NUDT9: variants seen among roughly 807,000 people sequenced by gnomAD.
NUDT9 encodes the protein nudix hydrolase 9.
NUDT9 carries 31 observed loss-of-function variants against 41.0 expected under a neutral mutation model. The observed-to-expected ratio is 0.76, with a 90% CI of 0.57 to 1.02. The LOEUF (loss-of-function observed/expected upper bound fraction) is 1.02. NUDT9 is among the 50% of genes least tolerant of loss of function. NUDT9 has a pLI of 0.00. For missense variants in NUDT9, 380 were observed against 431.4 expected (o/e 0.88, Z 1.06); for synonymous variants, 146 against 147.6 (o/e 0.99, Z 0.08).
rs1056309916 is a variant in NUDT9, at chr4:87,458,950, C to T, written c.*929C>T. On this transcript the variant is annotated 3_prime_UTR_variant, in exon 8 of 8. Coordinates refer to ENST00000302174, the MANE Select transcript of NUDT9 (RefSeq NM_024047.5). The stretch of plus-strand genomic sequence containing the variant: ...GTAATCCCATTACTAGGTATATACC[C>T]GAAGGAATATAAATTGTTCTATTAT... 1.1e-4 allele frequency: 16 copies of T among 152,038 alleles called. No individual in the cohort carries two copies. The highest frequency in any genetic ancestry group is 2.0e-4 in the Admixed American group (3 of 15,252). 9.4% of individuals were successfully genotyped at this position (152,038 alleles called of 1,614,324 possible).
chr4:87,451,649 G>A lies in NUDT9; in HGVS notation c.703G>A (p.Ala235Thr). The change falls in exon 6 of 8, where the codon GCT becomes ACT. Residue 235 changes from alanine (A) to threonine (T), a missense_variant. Transcript: ENST00000302174. ...ACTGAAAAGAGAATTTGGTGAGGAA[G>A]CTCTCAACTCCTTACAGAAAACCAG... ...ATLKREFGEE[A>T]LNSLQKTSAE... 6.2e-7 allele frequency: 1 copy of A among 1,613,606 alleles called. No homozygotes were observed. Among genetic ancestry groups the A allele is most frequent in the Non-Finnish European group, 8.5e-7 (1 of 1,179,572 alleles).
In NUDT9 at chr4:87,438,261, G is replaced by T; in HGVS notation, c.348-16G>T. 7.4e-7 allele frequency: 1 copy of T among 1,347,746 alleles called. No homozygotes were observed. Among genetic ancestry groups the T allele is most frequent in the Non-Finnish European group, 1.1e-6 (1 of 940,554 alleles). The allele number at this position is 1,347,746 out of a possible 1,614,324, so 83.5% of individuals were successfully genotyped here. On this transcript the variant is annotated splice_polypyrimidine_tract_variant and intron_variant, in intron 2 of 7. Coordinates refer to ENST00000302174, the MANE Select transcript of NUDT9 (RefSeq NM_024047.5). ...GAATCATTATTTCTTATTTTACATT[G>T]GTATTCTCATTACAGTGAAAGTAAT... is the stretch of plus-strand genomic sequence containing the variant.
At chr4:87,451,809 T>C in intron 6 of NUDT9, 74 bp downstream of exon 6, 1 of 1,272,964 alleles carries the variant, frequency 7.9e-7, no homozygotes, top group Non-Finnish European at 1.1e-6. Context: ...GACCTGGAAA[T>C]CTGTATGTCC....
At chr4:87,431,871 A>C (rs1020430076) in intron 1 of NUDT9, among the ~76,000 whole-genome samples, 1 of 152,118 alleles carries the variant, frequency 6.6e-6, no homozygotes. Flanking sequence ...TTTTTAGTAG[A>C]GACAGGGTTT....
At position 87,455,734 on chromosome 4, in the gene NUDT9, T is replaced by A. The variant is rs548527312; in HGVS notation, c.874+1279T>A. Among the ~76,000 whole-genome samples the A allele has an allele frequency of 3.3e-5, 5 of 151,444 alleles. No homozygotes were observed. In the South Asian group the frequency reaches 1.0e-3, roughly 32 times the overall value. On this transcript the variant is annotated intron_variant, in intron 7 of 7. Coordinates refer to ENST00000302174, the MANE Select transcript of NUDT9 (RefSeq NM_024047.5). ...TGGAGTGCAGTGGCATGATAATGGC[T>A]CACTGCAACCTCTGCCTCTCGGGTT...
intron 4 of NUDT9, among the ~76,000 whole-genome samples, chr4:87,448,138 A>AT (rs1213818782): frequency 0.033 from 3,021 of 92,294 alleles, 43 homozygotes; most frequent in African/African-American, 0.055. Flanking sequence ...TTAAAAGCAA[A>AT]TTTTTTTTTT....
intron 4 of NUDT9, among the ~76,000 whole-genome samples, chr4:87,443,065 G>A (rs769054192): frequency 7.2e-5 from 11 of 152,196 alleles, no homozygotes; most frequent in African/African-American, 1.4e-4. Context: ...GACTGGCAGT[G>A]CAGTAGGTTT....
chr4:87,445,933 C>CTT (rs964120765), intron 4 of NUDT9, among the ~76,000 whole-genome samples: 15 of 142,952 alleles, frequency 1.0e-4, no homozygotes, highest in African/African-American at 1.5e-4. Context: ...GCATCTCTCT[C>CTT]TTTTTTTTTT....
intron 1 of NUDT9, among the ~76,000 whole-genome samples, chr4:87,425,886 C>T (rs151037281): frequency 9.0e-4 from 137 of 152,186 alleles, no homozygotes; most frequent in Non-Finnish European, 1.8e-3. Context: ...TGACTCACTG[C>T]AGTCTCAACC....
chr4:87,443,410 T>A (rs1722302100), intron 4 of NUDT9, among the ~76,000 whole-genome samples: 1 of 152,336 alleles, frequency 6.6e-6, no homozygotes, highest in East Asian at 1.9e-4. Flanking sequence ...AGAAGGTAAA[T>A]TCTATTTATG....
At chr4:87,430,585 C>T (rs1721644689) in intron 1 of NUDT9, among the ~76,000 whole-genome samples, 1 of 152,036 alleles carries the variant, frequency 6.6e-6, no homozygotes, top group Non-Finnish European at 1.5e-5. Context: ...CACATCCTTG[C>T]CAATACTTAT....
At chr4:87,429,226 A>C (rs1182386298) in intron 1 of NUDT9, among the ~76,000 whole-genome samples, 1 of 152,084 alleles carries the variant, frequency 6.6e-6, no homozygotes, top group Admixed American at 6.5e-5. Flanking sequence ...ATCATGGTTC[A>C]CTGCAGCCTT....
intron 5 of NUDT9, 108 bp downstream of exon 5, chr4:87,449,361 A>G (rs1722611060): frequency 1.5e-6 from 1 of 655,576 alleles, no homozygotes; most frequent in Admixed American, 2.7e-5. Flanking sequence ...ATTCCTTCCC[A>G]CTTCATTTAG....
chr4:87,438,208 C>A, intron 2 of NUDT9, 69 bp from the exon 3 acceptor site: 1 of 753,130 alleles, frequency 1.3e-6, no homozygotes, highest in Admixed American at 2.0e-5. Flanking sequence ...AACAGATTGA[C>A]TTTCATTATT....
chr4:87,453,861 CTTTT>C (rs533107265), intron 6 of NUDT9, among the ~76,000 whole-genome samples: 1 of 136,236 alleles, frequency 7.3e-6, no homozygotes, highest in African/African-American at 2.7e-5. Context: ...TTCTTTCTTT[CTTTT>C]TTTTTTTTTT....
At chr4:87,453,279 C>A (rs1270436925) in intron 6 of NUDT9, among the ~76,000 whole-genome samples, 1 of 152,084 alleles carries the variant, frequency 6.6e-6, no homozygotes. Flanking sequence ...ATTTATAGAT[C>A]TCCTTTGTTT....
At chr4:87,444,137 G>A (rs1055132055) in intron 4 of NUDT9, among the ~76,000 whole-genome samples, 5 of 151,932 alleles carry the variant, frequency 3.3e-5, no homozygotes, top group Non-Finnish European at 7.4e-5. Context: ...CTGACCATCT[G>A]TCTCCCCACG....
In NUDT9 at chr4:87,458,011, A is replaced by T; in HGVS notation, c.1043A>T (p.His348Leu). The change falls in exon 8 of 8, where the codon CAT becomes CTT. Residue 348 changes from histidine (H) to leucine (L), a missense_variant. Transcript: ENST00000302174. ...HWSEDSEADC[H>L]AL The stretch of plus-strand genomic sequence containing the variant: ...AGCGAGGACTCTGAAGCTGACTGCC[A>T]TGCGTTGTAGCTGATGGTCTCCGTG... 6.5e-7 allele frequency: 1 copy of T among 1,541,710 alleles called. No individual in the cohort carries two copies.
Position 87,438,297 on chromosome 4 carries a change from A to G in NUDT9, c.368A>G (p.Lys123Arg). ...PQISESNFSPKFNEKDGHVER... is the reference protein window; with the variant it reads ...PQISESNFSPRFNEKDGHVER... Reference sequence around the variant, plus strand: ...TACAGTGAAAGTAATTTTTCTCCCAAGTTTAACGAAAAGGATGGGCATGTT... The same window carrying G: ...TACAGTGAAAGTAATTTTTCTCCCAGGTTTAACGAAAAGGATGGGCATGTT... The change falls in exon 3 of 8, where the codon AAG becomes AGG. Residue 123 changes from lysine to arginine, a missense_variant. By Grantham distance (26) the Lys-to-Arg change is conservative. Transcript: ENST00000302174. 6.2e-7 allele frequency: 1 copy of G among 1,608,030 alleles called. No individual in the cohort carries two copies. The highest frequency in any genetic ancestry group is 1.1e-5 in the South Asian group (1 of 90,826).
Sources: gnomAD v4.1 joint callset for allele counts (sites outside exome capture counted in the v4.1 genomes callset) on GRCh38, gnomAD v4.1.1 for gene constraint, MANE v1.5 for transcripts, NCBI Gene and HGNC (gene_info 2026-07-23, HGNC 2026-07-21) for gene names.